SEMA4F: variants seen among roughly 807,000 people sequenced by gnomAD.
The protein encoded by SEMA4F is semaphorin-4F.
A neutral mutation model predicts 78.4 loss-of-function variants in SEMA4F; 51 were observed. The observed-to-expected ratio is 0.65, with a 90% CI of 0.52 to 0.82. The LOEUF is 0.82. SEMA4F is among the 40% of genes least tolerant of loss of function. The pLI, the probability that SEMA4F is intolerant of heterozygous loss-of-function variation, is 0.00. For missense variants in SEMA4F, 938 were observed against 1,014.4 expected (o/e 0.92, Z 1.02); for synonymous variants, 418 against 408.7 (o/e 1.02, Z -0.27).
the SEMA4F span, among the ~76,000 whole-genome samples, chr2:74,699,940 A>G: frequency 6.6e-6 from 1 of 152,096 alleles, no homozygotes; most frequent in Non-Finnish European, 1.5e-5. Context: ...CTAGCTGGGA[A>G]GGGGAGTCAA....
intron 12 of SEMA4F, among the ~76,000 whole-genome samples, chr2:74,677,785 G>A (rs990693411): frequency 1.3e-4 from 20 of 152,202 alleles, no homozygotes; most frequent in African/African-American, 4.8e-4. Flanking sequence ...TACAAATTCT[G>A]TAGAGGTAAA....
the SEMA4F span, among the ~76,000 whole-genome samples, chr2:74,698,161 C>T: frequency 5.9e-5 from 9 of 152,142 alleles, no homozygotes; most frequent in African/African-American, 2.2e-4. Flanking sequence ...AAACATAGGT[C>T]CTAGGTCTAA....
At chr2:74,669,585 AAACAACAAC>A (rs150974049) in intron 5 of SEMA4F, among the ~76,000 whole-genome samples, 13 of 151,444 alleles carry the variant, frequency 8.6e-5, no homozygotes, top group African/African-American at 2.2e-4. Flanking sequence ...ACTCTGTCTC[AAACAACAAC>A]AACAACAACA....
chr2:74,668,690 A>C (rs1036757527), intron 5 of SEMA4F, among the ~76,000 whole-genome samples: 1 of 150,828 alleles, frequency 6.6e-6, no homozygotes, highest in African/African-American at 2.4e-5. Flanking sequence ...GGCTCACTGC[A>C]ACCTCCACCT....
At chr2:74,701,148 C>T in the SEMA4F span, among the ~76,000 whole-genome samples, 2 of 152,204 alleles carry the variant, frequency 1.3e-5, no homozygotes, top group Non-Finnish European at 2.9e-5. Flanking sequence ...TGAGCTGGAA[C>T]GGGCATGGAG....
rs1685605327 is a variant in SEMA4F, at chr2:74,681,350, C to T, written c.*1141C>T. On this transcript the variant is annotated 3_prime_UTR_variant, in exon 14 of 14. Transcript: ENST00000357877. The stretch of plus-strand genomic sequence containing the variant: ...ATGTCTCTGTGGGGAGGTTTTATGG[C>T]TTTTGTCAGATTTTCAAGGCCTTAA... 1 of 152,578 alleles carries T rather than the reference C, an allele frequency of 6.6e-6. No homozygotes were observed. Among genetic ancestry groups the T allele is most frequent in the Non-Finnish European group, 1.5e-5 (1 of 68,046 alleles). The allele number at this position is 152,578 out of a possible 1,614,324, so 9.5% of individuals were successfully genotyped here. A position where few individuals can be genotyped will look rare whatever the true frequency, so the allele number is the denominator to read the frequency against.
At chr2:74,676,002 G>T (rs773646697) in intron 12 of SEMA4F, 93 bp downstream of exon 12, 162 of 1,398,258 alleles carry the variant, frequency 1.2e-4, no homozygotes, top group Non-Finnish European at 1.5e-4. Flanking sequence ...CTGCCCTGCC[G>T]GAGGCTGTTT....
chr2:74,669,268 C>T (rs1230823388), intron 5 of SEMA4F, among the ~76,000 whole-genome samples: 1 of 151,830 alleles, frequency 6.6e-6, no homozygotes, highest in Admixed American at 6.6e-5. Context: ...TTCACTCCAG[C>T]CTGGGTGACA....
Position 74,654,394 on chromosome 2 carries a change from G to A in SEMA4F, c.18G>A (p.Ala6=). The part of the protein sequence containing the change: MPASA[A]RPRPGPGQPT... The stretch of plus-strand genomic sequence containing the variant: ...AGCCAAAGATGCCGGCCTCTGCTGC[G>A]CGGCCCCGCCCGGGTCCCGGGCAGC... The change falls in exon 1 of 14, where the codon GCG becomes GCA. Residue 6 remains alanine, a synonymous_variant. Coordinates refer to ENST00000357877, the MANE Select transcript of SEMA4F (RefSeq NM_004263.5). 6.6e-7 allele frequency: 1 copy of A among 1,520,378 alleles called. No individual in the cohort carries two copies. Among genetic ancestry groups the A allele is most frequent in the Non-Finnish European group, 8.8e-7 (1 of 1,142,236 alleles). The allele number at this position is 1,520,378 out of a possible 1,614,324, so 94.2% of individuals were successfully genotyped here. A position where few individuals can be genotyped will look rare whatever the true frequency, so the allele number is the denominator to read the frequency against.
Position 74,654,835 on chromosome 2 carries a change from A to T in SEMA4F, c.145+314A>T, listed in dbSNP as rs184501902. On this transcript the variant is annotated intron_variant, in intron 1 of 13. Coordinates refer to ENST00000357877, the MANE Select transcript of SEMA4F (RefSeq NM_004263.5). ...TCCAGTCCTCACCGTGCAGACTCGGACACTGAGGCCCAGAGCTCGGGTGGG... is the reference window on the plus strand; with the variant it reads ...TCCAGTCCTCACCGTGCAGACTCGGTCACTGAGGCCCAGAGCTCGGGTGGG... 1.7e-4 allele frequency among the ~76,000 whole-genome samples: 26 copies of T among 152,290 alleles called. 1 individual carries two copies. The East Asian group carries it at 5.0e-3, about 29-fold the overall frequency.
At chr2:74,668,615 T>C (rs1286907930) in intron 5 of SEMA4F, among the ~76,000 whole-genome samples, 1 of 148,396 alleles carries the variant, frequency 6.7e-6, no homozygotes, top group African/African-American at 2.5e-5. Context: ...TCAGTTGTGT[T>C]TTTTTTTTTT....
rs1685702696 is a variant in SEMA4F at position 74,682,967 on chromosome 2, T to G, written c.*2758T>G. 1.3e-5 allele frequency: 2 copies of G among 152,414 alleles called. No homozygotes were observed. Among genetic ancestry groups the G allele is most frequent in the Admixed American group, 1.3e-4 (2 of 15,276 alleles). 9.4% of individuals were successfully genotyped at this position (152,414 alleles called of 1,614,324 possible). ...TCATTCCTTCCAATGGAAACCACAATAAGCACTCTTGCCCACGTTTTCCCT... is the reference window on the plus strand; with the variant it reads ...TCATTCCTTCCAATGGAAACCACAAGAAGCACTCTTGCCCACGTTTTCCCT... On this transcript the variant is annotated 3_prime_UTR_variant, in exon 14 of 14. Transcript: ENST00000357877.
chr2:74,660,874 T>C (rs867292813), intron 4 of SEMA4F, among the ~76,000 whole-genome samples: 36 of 152,174 alleles, frequency 2.4e-4, no homozygotes, highest in African/African-American at 7.0e-4. Flanking sequence ...TTAGAAGATA[T>C]CAGATTTGGA....
chr2:74,681,206 T>C lies in SEMA4F; in HGVS notation c.*997T>C, dbSNP rs1421785843. ...GATATACGAGCAGTATAAAGATACG[T>C]TTGCAATCAGTGACTACTCAGGGTG... On this transcript the variant is annotated 3_prime_UTR_variant, in exon 14 of 14. Transcript: ENST00000357877. The C allele has an allele frequency of 6.6e-6, 1 of 152,550 alleles. No individual in the cohort carries two copies. The highest frequency in any genetic ancestry group is 1.5e-5 in the Non-Finnish European group (1 of 68,030). The allele number at this position is 152,550 out of a possible 1,614,324, so 9.4% of individuals were successfully genotyped here.
chr2:74,685,679 G>A (rs953064954), downstream of SEMA4F, among the ~76,000 whole-genome samples: 10 of 152,120 alleles, frequency 6.6e-5, no homozygotes, highest in Non-Finnish European at 1.0e-4. Flanking sequence ...TTGTCAGAAC[G>A]AGGGACATGG....
intron 5 of SEMA4F, among the ~76,000 whole-genome samples, chr2:74,664,731 T>G (rs970493121): frequency 6.6e-6 from 1 of 152,232 alleles, no homozygotes; most frequent in African/African-American, 2.4e-5. Context: ...AGTTGAATGT[T>G]CTTCATGTTT....
chr2:74,671,615 G>T (rs1379721694), intron 5 of SEMA4F, among the ~76,000 whole-genome samples: 2 of 152,230 alleles, frequency 1.3e-5, no homozygotes, highest in Non-Finnish European at 2.9e-5. Flanking sequence ...ACTTAAGCAT[G>T]AAGTGTGATG....
downstream of SEMA4F, among the ~76,000 whole-genome samples, chr2:74,688,717 C>A (rs1320543807): frequency 2.0e-5 from 3 of 152,170 alleles, no homozygotes; most frequent in Non-Finnish European, 4.4e-5. Context: ...GAAATTTACT[C>A]AAAATTTAGA....
At chr2:74,704,276 A>G in the SEMA4F span, among the ~76,000 whole-genome samples, 17 of 150,612 alleles carry the variant, frequency 1.1e-4, no homozygotes, top group Admixed American at 8.7e-4. Context: ...TAGAATTGCT[A>G]CTAGAGTCTT....
Sources: allele counts gnomAD v4.1 joint callset (sites outside exome capture counted in the v4.1 genomes callset), GRCh38; gene constraint gnomAD v4.1.1; transcripts MANE v1.5; gene names NCBI Gene and HGNC (gene_info 2026-07-23, HGNC 2026-07-21).